The following TENM1 variants were observed in gnomAD, a reference collection of about 807,000 sequenced individuals.
TENM1 encodes teneurin transmembrane protein 1.
Under a neutral mutation model 174.8 loss-of-function variants are expected in TENM1, and 35 were observed. That is an observed-to-expected ratio of 0.20 (90% CI 0.15 to 0.27). The LOEUF is 0.27. TENM1 is among the 10% of genes least tolerant of loss of function. The pLI is 1.00. For missense variants in TENM1, 1,633 were observed against 2,130.1 expected (o/e 0.77, Z 4.59); for synonymous variants, 781 against 798.7 (o/e 0.98, Z 0.37).
At chrX:125,128,022 A>G in the TENM1 span, among the ~76,000 whole-genome samples, 1 of 111,414 alleles carries the variant, frequency 9.0e-6, no homozygotes, top group Non-Finnish European at 1.9e-5. Flanking sequence ...TGAATAAGCT[A>G]TTAATGGTAT....
exon 32 of TENM1, chrX:124,376,103 A>C (rs1049126632): frequency 8.9e-6 from 1 of 112,262 alleles, no homozygotes; most frequent in Admixed American, 9.4e-5. Flanking sequence ...GAACCTGTAC[A>C]GTATCCAGTC....
intron 3 of TENM1, among the ~76,000 whole-genome samples, chrX:124,745,716 G>A (rs1056639802): frequency 1.8e-5 from 2 of 111,133 alleles, no homozygotes; most frequent in Non-Finnish European, 3.8e-5. Flanking sequence ...CATACCATGG[G>A]AGGGACGAAG....
chrX:125,107,935 T>C, the TENM1 span, among the ~76,000 whole-genome samples: 13 of 112,141 alleles, frequency 1.2e-4, no homozygotes, highest in Admixed American at 4.7e-4. Context: ...CAGGTCTCTA[T>C]ATTCTGTCCA....
chrX:124,897,742 T>C lies in TENM1; in HGVS notation c.218-1501A>G, dbSNP rs943935868. Among the ~76,000 whole-genome samples, 8 of 112,394 alleles carry C rather than the reference T, an allele frequency of 7.1e-5. No individual in the cohort carries two copies. In the East Asian group the frequency reaches 2.2e-3, roughly 31 times the overall value. ...GTATGTTACCTTTTGATTTCCATGA[T>C]GAATGTATTTAAGAGTAATTCCCTT... On this transcript the variant is annotated intron_variant, in intron 1 of 31. Transcript: ENST00000422452.
At chrX:124,759,760 TG>T (rs1336257419) in intron 3 of TENM1, among the ~76,000 whole-genome samples, 1 of 112,194 alleles carries the variant, frequency 8.9e-6, no homozygotes, top group African/African-American at 3.2e-5. Context: ...CAACAAAACC[TG>T]GAGATATACA....
chrX:124,619,107 T>C (rs1349662160), intron 11 of TENM1, among the ~76,000 whole-genome samples: 2 of 111,627 alleles, frequency 1.8e-5, no homozygotes, highest in Non-Finnish European at 3.8e-5. Flanking sequence ...AAAAACAAAA[T>C]AATAAAGATT....
intron 4 of TENM1, among the ~76,000 whole-genome samples, chrX:124,736,045 T>C (rs780018751): frequency 1.8e-5 from 2 of 111,190 alleles, no homozygotes; most frequent in East Asian, 5.6e-4. Flanking sequence ...AATATATCCA[T>C]GTAACAAACA....
At chrX:124,830,990 A>C (rs750668195) in intron 3 of TENM1, among the ~76,000 whole-genome samples, 1 of 111,651 alleles carries the variant, frequency 9.0e-6, no homozygotes, top group Non-Finnish European at 1.9e-5. Flanking sequence ...ATGGGCTGTG[A>C]TGATTTAGTG....
chrX:124,486,587 T>G (rs1175899097), intron 21 of TENM1, among the ~76,000 whole-genome samples: 1 of 111,878 alleles, frequency 8.9e-6, no homozygotes, highest in Non-Finnish European at 1.9e-5. Flanking sequence ...TTTCAGGCAA[T>G]TTAGAACAGT....
chrX:124,406,934 T>A (rs2060470007), intron 25 of TENM1, among the ~76,000 whole-genome samples: 1 of 111,599 alleles, frequency 9.0e-6, no homozygotes, highest in African/African-American at 3.3e-5. Context: ...GACTTTGGGT[T>A]ATGATGGGAA....
chrX:125,158,790 C>G, the TENM1 span, among the ~76,000 whole-genome samples: 1 of 111,592 alleles, frequency 9.0e-6, no homozygotes, highest in African/African-American at 3.3e-5. Flanking sequence ...AAGACACTGA[C>G]TAAATGGCTT....
chrX:124,376,987 C>A (rs1196868173), exon 32 of TENM1: 1 of 110,347 alleles, frequency 9.1e-6, no homozygotes, highest in Non-Finnish European at 1.9e-5. Context: ...TTCAATACTT[C>A]GTTACTGTAC....
intron 15 of TENM1, among the ~76,000 whole-genome samples, chrX:124,537,045 C>T (rs1401770374): frequency 9.0e-6 from 1 of 111,389 alleles, no homozygotes; most frequent in East Asian, 2.8e-4. Flanking sequence ...TTTGCTCTAG[C>T]CACAGCTGTG....
chrX:124,896,922 T>C (rs1322858021), intron 1 of TENM1, among the ~76,000 whole-genome samples: 1 of 111,768 alleles, frequency 8.9e-6, no homozygotes, highest in African/African-American at 3.3e-5. Flanking sequence ...GGTTCATGGA[T>C]TGGATTTCCT....
chrX:124,518,681 CAT>C (rs1028620250), intron 18 of TENM1, among the ~76,000 whole-genome samples: 6 of 111,980 alleles, frequency 5.4e-5, no homozygotes, highest in Non-Finnish European at 9.4e-5. Flanking sequence ...CTATGAGTAA[CAT>C]AATCTTTATG....
At chrX:124,923,234 T>C (rs1171877685) in intron 1 of TENM1, among the ~76,000 whole-genome samples, 6 of 111,878 alleles carry the variant, frequency 5.4e-5, no homozygotes, top group Non-Finnish European at 1.1e-4. Context: ...AGGTTCTATT[T>C]TAATGCTTTT....
chrX:124,794,932 A>G (rs57540029), intron 3 of TENM1, among the ~76,000 whole-genome samples: 4,661 of 111,005 alleles, frequency 0.042, 141 homozygotes, highest in African/African-American at 0.1. Flanking sequence ...CTCACCATCC[A>G]TTGAATGATT....
At chrX:125,064,671 C>CT in the TENM1 span, among the ~76,000 whole-genome samples, 44 of 108,718 alleles carry the variant, frequency 4.0e-4, no homozygotes, top group African/African-American at 1.1e-3. Context: ...CCATAGACAT[C>CT]TTTTTTTTTT....
chrX:124,466,558 C>T (rs964867279), intron 22 of TENM1, among the ~76,000 whole-genome samples: 5 of 111,701 alleles, frequency 4.5e-5, no homozygotes, highest in African/African-American at 1.3e-4. Context: ...TGAATAATGT[C>T]ATACTGTTAA....
Sources: allele counts gnomAD v4.1 joint callset (sites outside exome capture counted in the v4.1 genomes callset), GRCh38; gene constraint gnomAD v4.1.1; transcripts MANE v1.5; gene names NCBI Gene and HGNC (gene_info 2026-07-23, HGNC 2026-07-21).